Variants in CEP43 observed in about 807,000 individuals in gnomAD.
CEP43 encodes centrosomal protein 43.
CEP43 carries 36 observed loss-of-function variants against 52.6 expected under a neutral mutation model. That is an observed-to-expected ratio of 0.68 (90% CI 0.52 to 0.90). The LOEUF is 0.90. Among genes scored for constraint, CEP43 ranks in the 40% least tolerant of loss-of-function variants. The pLI is 0.00. For synonymous variants in CEP43, 192 were observed against 172.4 expected (o/e 1.11, Z -0.89); for missense variants, 506 against 472.8 (o/e 1.07, Z -0.65).
rs776240012 is a variant in CEP43, at chr6:167,013,577, A to G, written c.579+10A>G. On this transcript the variant is annotated intron_variant, in intron 7 of 12. Coordinates refer to ENST00000366847, the MANE Select transcript of CEP43 (RefSeq NM_007045.4). ...GAAGGCTGGTGACAAGGTAACATGCATGAGGGCAGAGGAGAAAAGCAGCCT... is the reference window on the plus strand; with the variant it reads ...GAAGGCTGGTGACAAGGTAACATGCGTGAGGGCAGAGGAGAAAAGCAGCCT... 3 of 1,613,126 alleles carry G rather than the reference A, an allele frequency of 1.9e-6. No individual in the cohort carries two copies.
chr6:167,000,024 A>G, intron 1 of CEP43, 36 bp from the exon 2 acceptor site: 1 of 1,567,738 alleles, frequency 6.4e-7, no homozygotes, highest in Non-Finnish European at 8.8e-7. Flanking sequence ...AATTGTCTTG[A>G]AATTATAATT....
chr6:167,031,071 A>C (rs1456550424), intron 10 of CEP43, among the ~76,000 whole-genome samples: 1 of 152,160 alleles, frequency 6.6e-6, no homozygotes, highest in Non-Finnish European at 1.5e-5. Flanking sequence ...TATTTTAAAA[A>C]TTAAAATTTA....
rs34544438 is a variant in CEP43 at position 167,024,804 on chromosome 6, G to C, written c.829G>C (p.Ala277Pro). Residue 277 changes from alanine (A) to proline (P), a missense_variant, in exon 9 of 13, where the codon GCA becomes CCA. Transcript: ENST00000366847. ...YGLRKEPRKQ[A>P]GSLASLSDAP... is the part of the protein sequence containing the mutation. ...TAGGAGGAAGGAACCTAGGAAGCAA[G>C]CAGGAAGTCTGGCCTCGCTCTCGGA... The C allele has an allele frequency of 3.9e-3, 6,288 of 1,613,524 alleles. 182 individuals are homozygous for C. The African/African-American group carries it at 0.07, about 18-fold the overall frequency.
At chr6:167,035,533 C>T (rs1421803522) in intron 12 of CEP43, among the ~76,000 whole-genome samples, 3 of 151,672 alleles carry the variant, frequency 2.0e-5, no homozygotes, top group Non-Finnish European at 2.9e-5. Flanking sequence ...CTGCTACTTA[C>T]CACTCACAAA....
chr6:167,021,323 C>G (rs568604392), intron 7 of CEP43, among the ~76,000 whole-genome samples: 87 of 152,244 alleles, frequency 5.7e-4, no homozygotes, highest in African/African-American at 2.0e-3. Flanking sequence ...TGATATTGAC[C>G]TGACCACTTA....
chr6:167,010,468 T>A (rs1779960882), intron 5 of CEP43, among the ~76,000 whole-genome samples: 1 of 152,148 alleles, frequency 6.6e-6, no homozygotes, highest in South Asian at 2.1e-4. Context: ...AAAAAGTAGA[T>A]CTTAGAGAAT....
chr6:167,036,217 T>A, intron 12 of CEP43: 3 of 985,410 alleles, frequency 3.0e-6, no homozygotes, highest in Non-Finnish European at 3.6e-6. Flanking sequence ...TTTTGAAAGA[T>A]GACTCTGACT....
intron 7 of CEP43, among the ~76,000 whole-genome samples, chr6:167,016,164 T>A (rs2128661740): frequency 6.6e-6 from 1 of 152,356 alleles, no homozygotes; most frequent in East Asian, 1.9e-4. Context: ...GTAAGATCTA[T>A]ATTTTTTTGT....
chr6:167,001,712 C>G (rs1474276185), intron 2 of CEP43, among the ~76,000 whole-genome samples: 2 of 152,212 alleles, frequency 1.3e-5, no homozygotes, highest in Admixed American at 6.5e-5. Context: ...CAGCCATCAC[C>G]TGGCTCTGTG....
intron 9 of CEP43, 116 bp from the exon 10 acceptor site, chr6:167,026,431 G>C: frequency 1.4e-6 from 1 of 694,604 alleles, no homozygotes; most frequent in Non-Finnish European, 2.6e-6. Flanking sequence ...TTAGTTTTAG[G>C]TTATTATGCT....
chr6:167,004,439 T>C (rs1272426349), intron 5 of CEP43, 38 bp downstream of exon 5: 3 of 1,545,880 alleles, frequency 1.9e-6, no homozygotes, highest in East Asian at 2.3e-5. Flanking sequence ...CTATTTTAAT[T>C]ATTGGCTGCT....
chr6:167,028,469 A>C (rs1780399520), intron 10 of CEP43: 1 of 985,092 alleles, frequency 1.0e-6, no homozygotes, highest in Non-Finnish European at 1.2e-6. Flanking sequence ...AGGCATTAGG[A>C]TTCAGTAGAA....
intron 7 of CEP43, among the ~76,000 whole-genome samples, chr6:167,019,278 A>G (rs35171809): frequency 0.41 from 59,634 of 146,546 alleles, 11,993 homozygotes; most frequent in Non-Finnish European, 0.46. Context: ...CTGTGCACAC[A>G]CATACACCTG....
At chr6:167,004,139 C>A in intron 4 of CEP43, 125 bp from the exon 5 acceptor site, 1 of 1,039,668 alleles carries the variant, frequency 9.6e-7, no homozygotes, top group Non-Finnish European at 1.3e-6. Flanking sequence ...ATAGACATTT[C>A]ATTCATTAGT....
In CEP43 at chr6:166,999,422, A is replaced by G; in HGVS notation, c.10A>G (p.Thr4Ala). 1 of 1,475,222 alleles carries G rather than the reference A, an allele frequency of 6.8e-7. No individual in the cohort carries two copies. The highest frequency in any genetic ancestry group is 3.0e-5 in the East Asian group (1 of 33,710). The allele number at this position is 1,475,222 out of a possible 1,614,324, so 91.4% of individuals were successfully genotyped here. A position where few individuals can be genotyped will look rare whatever the true frequency, so the allele number is the denominator to read the frequency against. The change falls in exon 1 of 13, where the codon ACG becomes GCG. Residue 4 changes from threonine (T) to alanine (A), a missense_variant. Transcript: ENST00000366847. ...GTCTTGGAGAAGCAAGATGGCGGCG[A>G]CGGCGGCCGCAGTGGTGGCCGAGGA... MAA[T>A]AAAVVAEEDT...
Position 167,004,344 on chromosome 6 carries a change from A to T in CEP43, c.381A>T (p.Leu127Phe), listed in dbSNP as rs766532128. The part of the protein sequence containing the change: ...IEAEGTVGGP[L>F]LLEVIRRCQQ... ...CAGAAGGTACTGTGGGTGGACCCTT[A>T]TTATTAGAAGTGATCAGGCGCTGTC... is the stretch of plus-strand genomic sequence containing the variant. Residue 127 changes from leucine to phenylalanine, a missense_variant, in exon 5 of 13, where the codon TTA becomes TTT. Coordinates refer to ENST00000366847, the MANE Select transcript of CEP43 (RefSeq NM_007045.4). The T allele has an allele frequency of 1.9e-6, 3 of 1,612,238 alleles. No individual in the cohort carries two copies. Among genetic ancestry groups the T allele is most frequent in the Non-Finnish European group, 2.5e-6 (3 of 1,179,070 alleles).
chr6:167,012,656 G>A (rs1221076421), intron 6 of CEP43, among the ~76,000 whole-genome samples: 1 of 151,982 alleles, frequency 6.6e-6, no homozygotes, highest in Non-Finnish European at 1.5e-5. Flanking sequence ...TGTCTTCAGG[G>A]TAAAATATTA....
At position 167,021,301 on chromosome 6, in the gene CEP43, AG is replaced by A. The variant is rs1315961854; in HGVS notation, c.580-1106del. Among the ~76,000 whole-genome samples, 3 of 152,206 alleles carry A rather than the reference AG, an allele frequency of 2.0e-5. No individual in the cohort carries two copies. The South Asian group carries it at 6.2e-4, about 31-fold the overall frequency. On this transcript the variant is annotated intron_variant, in intron 7 of 12. Transcript: ENST00000366847. Reference sequence around the variant, plus strand: ...AAATATTGAGTTAACCTCTGGAAGCAGGCTTTGACTTTGATATTGACCTGAC... The same window carrying A: ...AAATATTGAGTTAACCTCTGGAAGCAGCTTTGACTTTGATATTGACCTGAC...
intron 12 of CEP43, among the ~76,000 whole-genome samples, chr6:167,035,818 C>T (rs1225200704): frequency 3.9e-5 from 6 of 152,256 alleles, no homozygotes; most frequent in African/African-American, 9.6e-5. Context: ...CTGCCTGCCT[C>T]GGCCTCCCAA....
Sources: allele counts gnomAD v4.1 joint callset (sites outside exome capture counted in the v4.1 genomes callset), GRCh38; gene constraint gnomAD v4.1.1; transcripts MANE v1.5; gene names NCBI Gene and HGNC (gene_info 2026-07-23, HGNC 2026-07-21).